Variants in RBM28 observed in about 807,000 individuals in gnomAD.
RBM28 encodes the protein RNA binding motif protein 28, also known as RNA-binding protein 28.
A neutral mutation model predicts 98.3 loss-of-function variants in RBM28; 78 were observed. The observed-to-expected ratio is 0.79, with a 90% CI of 0.66 to 0.96. The LOEUF is 0.96. Ranked by LOEUF, RBM28 falls within the 40% of genes least tolerant of loss-of-function variation. The pLI, the probability that RBM28 is intolerant of heterozygous loss-of-function variation, is 0.00. For missense variants in RBM28, 838 were observed against 913.0 expected, an observed-to-expected ratio of 0.92 and a Z score of 1.06; for synonymous variants, 306 against 330.9, an observed-to-expected ratio of 0.92 and a Z score of 0.82.
Position 128,324,713 on chromosome 7 carries a change from CT to C in RBM28, c.1204-20del. On this transcript the variant is annotated intron_variant, in intron 11 of 18. Coordinates refer to ENST00000223073, the MANE Select transcript of RBM28 (RefSeq NM_018077.3). ...CACCAGCCTGTAACAGATCACAACC[CT>C]TTCTTAAAACACATAATGGCCGGGC... 1 of 1,614,112 alleles carries C rather than the reference CT, an allele frequency of 6.2e-7. No individual in the cohort carries two copies.
chr7:128,322,629 T>C (rs1269838374), intron 13 of RBM28, among the ~76,000 whole-genome samples: 1 of 152,202 alleles, frequency 6.6e-6, no homozygotes, highest in African/African-American at 2.4e-5. Flanking sequence ...AATGAGCTTT[T>C]TGCTAACAAA....
intron 9 of RBM28, 46 bp downstream of exon 9, chr7:128,333,244 T>C: frequency 7.0e-7 from 1 of 1,424,616 alleles, no homozygotes; most frequent in Non-Finnish European, 9.9e-7. Context: ...GGAAGAGAGA[T>C]CTATGAAGAC....
rs1795927837 is a variant in RBM28, at chr7:128,309,189, G to C, written c.*1608C>G. 1 of 152,110 alleles carries C rather than the reference G, an allele frequency of 6.6e-6. No individual in the cohort carries two copies. Among genetic ancestry groups the C allele is most frequent in the African/African-American group, 2.4e-5 (1 of 41,388 alleles). The allele number at this position is 152,110 out of a possible 1,614,324, so 9.4% of individuals were successfully genotyped here. ...CAATACTTACTACGTGCCTGGGTCA[G>C]TACTAGGTGCTGTGTCTACAGGAGT... On this transcript the variant is annotated 3_prime_UTR_variant, in exon 19 of 19. Transcript: ENST00000223073.
chr7:128,330,600 G>A (rs1796458856), intron 10 of RBM28, among the ~76,000 whole-genome samples: 1 of 152,022 alleles, frequency 6.6e-6, no homozygotes, highest in South Asian at 2.1e-4. Context: ...TCAAACTCCT[G>A]AGCTCAGGCA....
chr7:128,313,654 A>C (rs938188105), intron 17 of RBM28, among the ~76,000 whole-genome samples: 4 of 152,198 alleles, frequency 2.6e-5, no homozygotes, highest in African/African-American at 9.7e-5. Flanking sequence ...GTCCTTGCTC[A>C]AATCTCACGT....
In RBM28 at chr7:128,339,306, G is replaced by T; in HGVS notation, c.293C>A (p.Pro98Gln). 1 of 1,611,746 alleles carries T rather than the reference G, an allele frequency of 6.2e-7. No homozygotes were observed. The highest frequency in any genetic ancestry group is 1.1e-5 in the South Asian group (1 of 90,982). The change falls in exon 3 of 19, where the codon CCA (proline) becomes CAA (glutamine). Residue 98 changes from proline (P) to glutamine (Q), a missense_variant. Transcript: ENST00000223073. Reference sequence around the variant, plus strand: ...TTTTTTAGCCTTCGGCTCCTTCTTTGGGCACTCTGAGTTTTCTAAAAAATA... The same window carrying T: ...TTTTTTAGCCTTCGGCTCCTTCTTTTGGCACTCTGAGTTTTCTAAAAAATA... ...EKGKNENSEC[P>Q]KKEPKAKKAK...
rs1311485272 is a variant in RBM28, at chr7:128,307,462, G to A, written c.*3335C>T. ...TTCTAGCTAGAAAACCTCTTTTCAA[G>A]ACAAAAACATACCAAAGTACATTTT... On this transcript the variant is annotated 3_prime_UTR_variant, in exon 19 of 19. Coordinates refer to ENST00000223073, the MANE Select transcript of RBM28 (RefSeq NM_018077.3). 6.7e-6 allele frequency: 1 copy of A among 149,708 alleles called. No homozygotes were observed. Among genetic ancestry groups the A allele is most frequent in the Non-Finnish European group, 1.5e-5 (1 of 68,010 alleles). The allele number at this position is 149,708 out of a possible 1,614,324, so 9.3% of individuals were successfully genotyped here. A position where few individuals can be genotyped will look rare whatever the true frequency, so the allele number is the denominator to read the frequency against.
At chr7:128,338,432 G>A in intron 4 of RBM28, 90 bp from the exon 5 acceptor site, 1 of 1,101,224 alleles carries the variant, frequency 9.1e-7, no homozygotes, top group Admixed American at 1.7e-5. Flanking sequence ...AGGCCCACAA[G>A]ATGGCCCAAA....
intron 12 of RBM28, 75 bp from the exon 13 acceptor site, chr7:128,323,666 A>G: frequency 1.3e-6 from 2 of 1,546,162 alleles, no homozygotes; most frequent in South Asian, 1.1e-5. Flanking sequence ...TGTGATTTGA[A>G]TGATGCAAAC....
In RBM28 at chr7:128,300,609, C is replaced by T. The variant is rs578001598; in HGVS notation, c.*10188G>A. 24 of 152,362 alleles carry T rather than the reference C, an allele frequency of 1.6e-4. No homozygotes were observed. The highest frequency in any genetic ancestry group is 5.3e-4 in the African/African-American group (22 of 41,586). 9.4% of individuals were successfully genotyped at this position (152,362 alleles called of 1,614,324 possible). ...ATCAAAGACGTTAATGCCCACTAAA[C>T]GCTTTCTACGATGCCTGGAAACAAC... On this transcript the variant is annotated 3_prime_UTR_variant, in exon 19 of 19. Transcript: ENST00000223073.
chr7:128,325,928 TC>T, intron 10 of RBM28, 37 bp from the exon 11 acceptor site: 1 of 1,523,752 alleles, frequency 6.6e-7, no homozygotes, highest in Non-Finnish European at 9.1e-7. Flanking sequence ...GATCCCAAAC[TC>T]CCACAGATAA....
chr7:128,306,477 G>A lies in RBM28; in HGVS notation c.*4320C>T, dbSNP rs1254096613. ...TTCAACAGTATGAAACTCCTACTAC[G>A]AGTAAATCAATGTTAGGTGTTGTGG... On this transcript the variant is annotated 3_prime_UTR_variant, in exon 19 of 19. Transcript: ENST00000223073. 4.6e-5 allele frequency: 7 copies of A among 152,162 alleles called. No homozygotes were observed. The highest frequency in any genetic ancestry group is 8.8e-5 in the Non-Finnish European group (6 of 68,044). The allele number at this position is 152,162 out of a possible 1,614,324, so 9.4% of individuals were successfully genotyped here. A position where few individuals can be genotyped will look rare whatever the true frequency, so the allele number is the denominator to read the frequency against.
intron 14 of RBM28, among the ~76,000 whole-genome samples, chr7:128,320,716 T>C (rs1796212725): frequency 6.6e-6 from 1 of 152,254 alleles, no homozygotes; most frequent in South Asian, 2.1e-4. Context: ...ACAACAGGCA[T>C]TTAATAAATG....
At chr7:128,331,753 A>G (rs1008683341) in intron 9 of RBM28, among the ~76,000 whole-genome samples, 19 of 152,206 alleles carry the variant, frequency 1.2e-4, no homozygotes, top group African/African-American at 3.4e-4. Context: ...CTAAAATTTC[A>G]ACACAGTATA....
At chr7:128,318,932 T>G (rs146313474) in intron 14 of RBM28, among the ~76,000 whole-genome samples, 205 of 152,246 alleles carry the variant, frequency 1.3e-3, no homozygotes, top group African/African-American at 4.5e-3. Flanking sequence ...TAGGAAAAAG[T>G]CTCTCCAACA....
chr7:128,314,835 C>A lies in RBM28; in HGVS notation c.1974G>T (p.Gln658His). 1 of 1,614,208 alleles carries A rather than the reference C, an allele frequency of 6.2e-7. No homozygotes were observed. ...TGFQTKAEVEQVELPDGKKRR... is the reference protein window; with the variant it reads ...TGFQTKAEVEHVELPDGKKRR... ...TCTTCTTTCCATCAGGCAGCTCCAC[C>A]TGCTCCACTTCAGCCTTGGTCTGGA... The change falls in exon 17 of 19, where the codon CAG becomes CAT. Residue 658 changes from glutamine (Q) to histidine (H), a missense_variant. Transcript: ENST00000223073.
At chr7:128,313,005 C>T (rs1180041521) in intron 18 of RBM28, 170 bp downstream of exon 18, 4 of 688,834 alleles carry the variant, frequency 5.8e-6, no homozygotes, top group Non-Finnish European at 7.5e-6. Flanking sequence ...GTTCATTTTA[C>T]TTTTTTCTCT....
Position 128,305,325 on chromosome 7 carries a change from G to C in RBM28, c.*5472C>G, listed in dbSNP as rs1340621588. 1 of 152,090 alleles carries C rather than the reference G, an allele frequency of 6.6e-6. No individual in the cohort carries two copies. The highest frequency in any genetic ancestry group is 1.5e-5 in the Non-Finnish European group (1 of 68,030). 9.4% of individuals were successfully genotyped at this position (152,090 alleles called of 1,614,324 possible). A position where few individuals can be genotyped will look rare whatever the true frequency, so the allele number is the denominator to read the frequency against. On this transcript the variant is annotated 3_prime_UTR_variant, in exon 19 of 19. Transcript: ENST00000223073. ...ACAAGATAGCATTTTTTCTGCAGTA[G>C]TATCCAAAGCAAAAATTTCATCAGA...
chr7:128,329,581 C>T (rs750957776), intron 10 of RBM28, among the ~76,000 whole-genome samples: 3 of 152,094 alleles, frequency 2.0e-5, no homozygotes, highest in Admixed American at 6.5e-5. Context: ...AGATCTCAAA[C>T]GAATCATGAA....
Sources: gnomAD v4.1 joint callset for allele counts (sites outside exome capture counted in the v4.1 genomes callset) on GRCh38, gnomAD v4.1.1 for gene constraint, MANE v1.5 for transcripts, NCBI Gene and HGNC (gene_info 2026-07-23, HGNC 2026-07-21) for gene names.